KLKB1: variants seen among roughly 807,000 people sequenced by gnomAD.
KLKB1 encodes the protein plasma kallikrein.
KLKB1 carries 58 observed loss-of-function variants against 73.6 expected under a neutral mutation model. That is an observed-to-expected ratio of 0.79 (90% CI 0.64 to 0.98). The LOEUF (loss-of-function observed/expected upper bound fraction) is 0.98, where lower values mean the gene tolerates loss of function less well. Among genes scored for constraint, KLKB1 ranks in the 50% least tolerant of loss-of-function variants. KLKB1 has a pLI of 0.00. For synonymous variants in KLKB1, 280 were observed against 258.1 expected (o/e 1.08, Z -0.81); for missense variants, 737 against 763.8 (o/e 0.96, Z 0.41).
chr4:186,213,601 A>G (rs1736798822), intron 2 of KLKB1: 1 of 152,202 alleles, frequency 6.6e-6, no homozygotes, highest in South Asian at 2.1e-4. Flanking sequence ...TGAAAGCACA[A>G]AGTAAACTCA....
At chr4:186,225,664 G>A (rs1302579823), upstream of KLKB1, among the ~76,000 whole-genome samples, 1 of 151,976 alleles carries the variant, frequency 6.6e-6, no homozygotes, top group Admixed American at 6.6e-5. Flanking sequence ...TCGATCTCCT[G>A]ACCTCATGAT....
At chr4:186,212,070 T>C (rs960161841) in intron 2 of KLKB1, 1 of 152,180 alleles carries the variant, frequency 6.6e-6, no homozygotes, top group Non-Finnish European at 1.5e-5. Context: ...AGTAAGGGAA[T>C]AGAATCAATA....
chr4:186,250,507 C>A (rs1205146592), intron 7 of KLKB1, 105 bp downstream of exon 7: 1 of 1,333,162 alleles, frequency 7.5e-7, no homozygotes, highest in Non-Finnish European at 1.1e-6. Flanking sequence ...AAGTTTCGTT[C>A]ATTTCCCTCA....
At chr4:186,229,842 C>T (rs549432829) in intron 2 of KLKB1, among the ~76,000 whole-genome samples, 1 of 152,300 alleles carries the variant, frequency 6.6e-6, no homozygotes, top group East Asian at 1.9e-4. Context: ...TTCTGCTGAA[C>T]CAGAAAGTGC....
At chr4:186,244,735 C>T (rs996152842) in intron 6 of KLKB1, among the ~76,000 whole-genome samples, 14 of 152,064 alleles carry the variant, frequency 9.2e-5, no homozygotes, top group African/African-American at 1.9e-4. Context: ...AAGGCTTGTC[C>T]GGTTTTTGGA....
intron 6 of KLKB1, among the ~76,000 whole-genome samples, chr4:186,242,442 G>A (rs1262470284): frequency 6.6e-6 from 1 of 152,020 alleles, no homozygotes; most frequent in East Asian, 1.9e-4. Flanking sequence ...GGGCTGCTTC[G>A]AGCGGGATTA....
chr4:186,253,195 A>C (rs1222063817), intron 11 of KLKB1, among the ~76,000 whole-genome samples: 1 of 152,252 alleles, frequency 6.6e-6, no homozygotes, highest in East Asian at 1.9e-4. Context: ...TTCTATATTC[A>C]ATAAGAAATG....
upstream of KLKB1, among the ~76,000 whole-genome samples, chr4:186,221,719 T>A (rs1490198748): frequency 1.3e-5 from 2 of 152,208 alleles, no homozygotes; most frequent in African/African-American, 4.8e-5. Flanking sequence ...ATATAACCTA[T>A]CCTGGAGAGT....
Position 186,251,476 on chromosome 4 carries a change from A to G in KLKB1, c.869-11A>G, listed in dbSNP as rs753557151. 42 of 1,612,510 alleles carry G rather than the reference A, an allele frequency of 2.6e-5. 1 individual carries two copies. In the South Asian group the frequency reaches 4.4e-4, roughly 17 times the overall value. The stretch of plus-strand genomic sequence containing the variant: ...CCATCTGATATCTTTTTGTGTTTAT[A>G]ATTGACACAGAACCCTGCCATTCTA... On this transcript the variant is annotated splice_polypyrimidine_tract_variant and intron_variant, in intron 8 of 14. Coordinates refer to ENST00000264690, the MANE Select transcript of KLKB1 (RefSeq NM_000892.5).
At chr4:186,244,632 G>A (rs1471202201) in intron 6 of KLKB1, among the ~76,000 whole-genome samples, 2 of 149,830 alleles carry the variant, frequency 1.3e-5, no homozygotes, top group Non-Finnish European at 3.0e-5. Context: ...GTGGAGGGAG[G>A]TATTGAGGAT....
At chr4:186,214,186 G>A (rs976334525) in intron 2 of KLKB1, among the ~76,000 whole-genome samples, 3 of 152,162 alleles carry the variant, frequency 2.0e-5, no homozygotes, top group Non-Finnish European at 1.5e-5. Flanking sequence ...GCAGCTGCTG[G>A]GTGATGAGAA....
intron 2 of KLKB1, among the ~76,000 whole-genome samples, chr4:186,229,706 A>G (rs1255285276): frequency 6.6e-6 from 1 of 152,118 alleles, no homozygotes; most frequent in Non-Finnish European, 1.5e-5. Flanking sequence ...ACTTAGGCCA[A>G]CTCTAACAGG....
chr4:186,248,496 A>G (rs4253294), intron 6 of KLKB1, among the ~76,000 whole-genome samples: 105,304 of 151,884 alleles, frequency 0.69, 36,718 homozygotes, highest in East Asian at 0.86. Context: ...GCATATATCA[A>G]TACTTTGTTC....
At chr4:186,218,788 T>G (rs1736967140) in intron 2 of KLKB1, among the ~76,000 whole-genome samples, 1 of 152,144 alleles carries the variant, frequency 6.6e-6, no homozygotes, top group South Asian at 2.1e-4. Flanking sequence ...ATAGGATAGA[T>G]GTACATATAA....
chr4:186,257,076 T>G (rs1316624975), intron 13 of KLKB1, 150 bp from the exon 14 acceptor site: 1 of 425,614 alleles, frequency 2.3e-6, no homozygotes, highest in Non-Finnish European at 4.1e-6. Context: ...GATAAGGTCC[T>G]TATGAAAAAT....
intron 2 of KLKB1, chr4:186,211,828 G>T (rs1301730844): frequency 6.6e-6 from 1 of 152,154 alleles, no homozygotes; most frequent in African/African-American, 2.4e-5. Context: ...ATAACCTGGA[G>T]CAGATTATTT....
chr4:186,256,120 G>A (rs1350768762), intron 13 of KLKB1, 33 bp downstream of exon 13: 3 of 1,365,120 alleles, frequency 2.2e-6, no homozygotes, highest in South Asian at 2.3e-5. Flanking sequence ...TGCTTCTAGA[G>A]TAAGTCTCAC....
chr4:186,210,857 C>T (rs557424144), intron 2 of KLKB1: 42 of 533,830 alleles, frequency 7.9e-5, no homozygotes, highest in South Asian at 3.2e-4. Context: ...TTTTTGAAAC[C>T]GTGTCTCACT....
Position 186,258,068 on chromosome 4 carries a change from T to C in KLKB1, c.1773T>C (p.Arg591=), listed in dbSNP as rs1278666592. Residue 591 remains arginine, a synonymous_variant, in exon 15 of 15, where the codon CGT becomes CGC. Coordinates refer to ENST00000264690, the MANE Select transcript of KLKB1 (RefSeq NM_000892.5). ...TTTGCAAACACAATGGAATGTGGCGTTTGGTGGGCATCACCAGCTGGGGTG... is the reference window on the plus strand; with the variant it reads ...TTTGCAAACACAATGGAATGTGGCGCTTGGTGGGCATCACCAGCTGGGGTG... The part of the protein sequence containing the change: ...PLVCKHNGMW[R]LVGITSWGEG... 6.2e-7 allele frequency: 1 copy of C among 1,614,040 alleles called. No homozygotes were observed. The highest frequency in any genetic ancestry group is 8.5e-7 in the Non-Finnish European group (1 of 1,179,982).
Sources: gnomAD v4.1 joint callset for allele counts (sites outside exome capture counted in the v4.1 genomes callset) on GRCh38, gnomAD v4.1.1 for gene constraint, MANE v1.5 for transcripts, NCBI Gene and HGNC (gene_info 2026-07-23, HGNC 2026-07-21) for gene names.